CMTM4: variants seen among roughly 807,000 people sequenced by gnomAD.
CMTM4 encodes CKLF like MARVEL transmembrane domain containing 4.
A neutral mutation model predicts 19.0 loss-of-function variants in CMTM4; 8 were observed. That is an observed-to-expected ratio of 0.42 (90% CI 0.25 to 0.76). The LOEUF (loss-of-function observed/expected upper bound fraction) is 0.76. CMTM4 is among the 30% of genes least tolerant of loss of function. The pLI, the probability that CMTM4 is intolerant of heterozygous loss-of-function variation, is 0.27. For missense variants in CMTM4, 228 were observed against 290.2 expected, an observed-to-expected ratio of 0.79 and a Z score of 1.56; for synonymous variants, 106 against 121.1, an observed-to-expected ratio of 0.88 and a Z score of 0.82.
At chr16:66,601,590 A>C in the CMTM4 span, among the ~76,000 whole-genome samples, 4 of 152,188 alleles carry the variant, frequency 2.6e-5, no homozygotes, top group African/African-American at 9.6e-5. Context: ...CCTGGCCCCC[A>C]GCCTTCAGGC....
chr16:66,678,328 A>C (rs1159216264), intron 1 of CMTM4, among the ~76,000 whole-genome samples: 1 of 152,176 alleles, frequency 6.6e-6, no homozygotes, highest in Admixed American at 6.5e-5. Context: ...GGAAAGGGAG[A>C]GAAAGAAACA....
At chr16:66,687,498 AAAAAT>A (rs757590415) in intron 1 of CMTM4, among the ~76,000 whole-genome samples, 3 of 151,948 alleles carry the variant, frequency 2.0e-5, no homozygotes, top group African/African-American at 4.8e-5. Flanking sequence ...AGACCGTCTC[AAAAAT>A]AAAATAAAAT....
At chr16:66,663,409 A>G (rs2016533721) in intron 1 of CMTM4, among the ~76,000 whole-genome samples, 1 of 151,064 alleles carries the variant, frequency 6.6e-6, no homozygotes, top group Non-Finnish European at 1.5e-5. Flanking sequence ...AGGAGGCTGA[A>G]GCGGGAGGAT....
At chr16:66,601,190 C>A in the CMTM4 span, among the ~76,000 whole-genome samples, 1 of 151,630 alleles carries the variant, frequency 6.6e-6, no homozygotes, top group Non-Finnish European at 1.5e-5. Context: ...TGTTAATTTT[C>A]TGGTTGGAAA....
chr16:66,651,645 T>A (rs367809991), intron 1 of CMTM4, among the ~76,000 whole-genome samples: 3 of 152,206 alleles, frequency 2.0e-5, no homozygotes, highest in African/African-American at 7.2e-5. Context: ...TCACCATGTA[T>A]GATTTCTCTT....
intron 1 of CMTM4, among the ~76,000 whole-genome samples, chr16:66,639,250 T>C (rs1179205782): frequency 6.6e-6 from 1 of 152,214 alleles, no homozygotes; most frequent in Non-Finnish European, 1.5e-5. Context: ...TCAGATCTAG[T>C]AATCTTGGGC....
At chr16:66,642,425 T>G (rs2144822293) in intron 1 of CMTM4, among the ~76,000 whole-genome samples, 1 of 152,238 alleles carries the variant, frequency 6.6e-6, no homozygotes, top group East Asian at 1.9e-4. Context: ...ATTTGATAAG[T>G]AAACTGGGCC....
intron 1 of CMTM4, among the ~76,000 whole-genome samples, chr16:66,656,343 A>G (rs2016397092): frequency 6.6e-6 from 1 of 152,122 alleles, no homozygotes; most frequent in African/African-American, 2.4e-5. Flanking sequence ...AAACTAATGA[A>G]TGAAAGGGTT....
chr16:66,664,882 C>A (rs933085356), intron 1 of CMTM4, among the ~76,000 whole-genome samples: 13 of 152,074 alleles, frequency 8.5e-5, no homozygotes, highest in African/African-American at 2.9e-4. Flanking sequence ...AATCCCAGCA[C>A]TTTGGGAGGC....
At chr16:66,687,128 G>A (rs1384613575) in intron 1 of CMTM4, among the ~76,000 whole-genome samples, 1 of 141,100 alleles carries the variant, frequency 7.1e-6, no homozygotes, top group African/African-American at 2.6e-5. Context: ...ACCCACTATT[G>A]TGCAGAATGC....
At chr16:66,646,707 ATT>A (rs199769115) in intron 1 of CMTM4, among the ~76,000 whole-genome samples, 24 of 138,900 alleles carry the variant, frequency 1.7e-4, no homozygotes, top group Admixed American at 2.9e-4. Flanking sequence ...CCATTCATGA[ATT>A]TTTTTTTTTT....
chr16:66,665,598 G>A (rs573697585), intron 1 of CMTM4, among the ~76,000 whole-genome samples: 2 of 152,054 alleles, frequency 1.3e-5, no homozygotes, highest in Non-Finnish European at 2.9e-5. Context: ...TACAAAACTA[G>A]CTGGGTGTGG....
At chr16:66,676,604 G>GACA (rs2016815163) in intron 1 of CMTM4, among the ~76,000 whole-genome samples, 1 of 152,166 alleles carries the variant, frequency 6.6e-6, no homozygotes, top group Admixed American at 6.5e-5. Flanking sequence ...TAAAACTCTT[G>GACA]AGTTTCTGAC....
At chr16:66,672,793 T>G (rs1195773728) in intron 1 of CMTM4, among the ~76,000 whole-genome samples, 26 of 146,980 alleles carry the variant, frequency 1.8e-4, no homozygotes, top group Admixed American at 1.5e-3. Flanking sequence ...GTTTTGTTTT[T>G]TTTTTGTATT....
intron 1 of CMTM4, among the ~76,000 whole-genome samples, chr16:66,639,839 A>C (rs1055495776): frequency 6.6e-6 from 1 of 152,020 alleles, no homozygotes; most frequent in Non-Finnish European, 1.5e-5. Context: ...CCAACATGAC[A>C]AAACTTTGTC....
intron 1 of CMTM4, among the ~76,000 whole-genome samples, chr16:66,673,258 AG>A (rs566795514): frequency 3.1e-4 from 43 of 140,354 alleles, no homozygotes; most frequent in African/African-American, 1.1e-3. Context: ...TCCAGGCTGG[AG>A]TGCAGTGGCA....
Position 66,696,266 on chromosome 16 carries a change from C to T in CMTM4, c.186+74G>A. The T allele has an allele frequency of 9.1e-7, 1 of 1,103,810 alleles. No individual in the cohort carries two copies. The highest frequency in any genetic ancestry group is 1.2e-6 in the Non-Finnish European group (1 of 864,320). The allele number at this position is 1,103,810 out of a possible 1,614,324, so 68.4% of individuals were successfully genotyped here. A position where few individuals can be genotyped will look rare whatever the true frequency, so the allele number is the denominator to read the frequency against. ...TGGGCAAGCGGGTACGCGGCGGAGG[C>T]CCCGCAGCGGGGCGGGGAGGGAGGC... is the stretch of plus-strand genomic sequence containing the variant. On this transcript the variant is annotated intron_variant, in intron 1 of 3. Coordinates refer to ENST00000394106, the MANE Select transcript of CMTM4 (RefSeq NM_181521.3). This position sits in a 1 kb window ranked among gnomAD's most constrained non-coding sequence, Gnocchi z 4.3.
At chr16:66,612,738 G>A, downstream of CMTM4, 1 of 1,187,646 alleles carries the variant, frequency 8.4e-7, no homozygotes, top group Non-Finnish European at 1.2e-6. This position sits in a 1 kb window ranked among gnomAD's most constrained non-coding sequence, Gnocchi z 6.0. Flanking sequence ...CTTCTGAGTT[G>A]CAGAGGGGGC....
At chr16:66,600,136 G>GTGGTT in the CMTM4 span, among the ~76,000 whole-genome samples, 575 of 135,002 alleles carry the variant, frequency 4.3e-3, 4 homozygotes, top group Admixed American at 6.5e-3. Context: ...GTGTGTGTGT[G>GTGGTT]TTTTTTTTTG....
Sources: allele counts gnomAD v4.1 joint callset (sites outside exome capture counted in the v4.1 genomes callset), GRCh38; gene constraint gnomAD v4.1.1; non-coding constraint Gnocchi (gnomAD v3.1); transcripts MANE v1.5; gene names NCBI Gene and HGNC (gene_info 2026-07-23, HGNC 2026-07-21).